The following PCDHA7 variants were observed in gnomAD, a reference collection of about 807,000 sequenced individuals.
PCDHA7 encodes the protein protocadherin alpha-7.
In PCDHA7, 37 loss-of-function variants were observed where a neutral mutation model predicts 57.2. That is an observed-to-expected ratio of 0.65 (90% CI 0.50 to 0.85). The LOEUF is 0.85. PCDHA7 is among the 40% of genes least tolerant of loss of function. The probability of loss-of-function intolerance (pLI) is 0.00; values close to 1 mark genes in which losing one functional copy is unlikely to be tolerated. For synonymous variants in PCDHA7, 553 were observed against 558.8 expected (o/e 0.99, Z 0.15); for missense variants, 1,188 against 1,241.8 (o/e 0.96, Z 0.65).
At chr5:140,857,655 C>T (rs782490979) in intron 1 of PCDHA7, 1 of 1,596,728 alleles carries the variant, frequency 6.3e-7, no homozygotes, top group Non-Finnish European at 8.6e-7. Context: ...CAGGTGAGCG[C>T]GCGCGATGGG....
chr5:140,927,499 C>G (rs781977423), intron 1 of PCDHA7: 1 of 1,614,136 alleles, frequency 6.2e-7, no homozygotes, highest in Admixed American at 1.7e-5. Context: ...CCTGCTGGTG[C>G]TTACAGCTCG....
In PCDHA7 at chr5:140,836,123, T is replaced by C; in HGVS notation, c.1740T>C (p.Leu580=). 1 of 1,613,656 alleles carries C rather than the reference T, an allele frequency of 6.2e-7. No homozygotes were observed. Among genetic ancestry groups the C allele is most frequent in the Non-Finnish European group, 8.5e-7 (1 of 1,179,766 alleles). Residue 580 remains leucine, a synonymous_variant, in exon 1 of 4, where the codon CTT becomes CTC. Coordinates refer to ENST00000525929, the MANE Select transcript of PCDHA7 (RefSeq NM_018910.3). The part of the protein sequence containing the change: ...VGGTGGAVRE[L]VPRSVGAGHV... ...GCACTGGTGGCGCAGTGAGAGAGCT[T>C]GTGCCGCGGTCTGTGGGCGCGGGCC... is the stretch of plus-strand genomic sequence containing the variant.
chr5:140,837,159 G>C (rs2150273625), intron 1 of PCDHA7: 152,415 of 152,748 alleles, frequency 1, 76,046 homozygotes, highest in East Asian at 1. Flanking sequence ...ATAAAATATA[G>C]CTGTGTCAAA....
At chr5:141,000,757 C>A (rs1236279352) in intron 3 of PCDHA7, among the ~76,000 whole-genome samples, 1 of 151,158 alleles carries the variant, frequency 6.6e-6, no homozygotes, top group Non-Finnish European at 1.5e-5. Flanking sequence ...AAAAAAAAAT[C>A]TTAGCCAGGC....
chr5:140,847,732 A>G (rs1781156684), intron 1 of PCDHA7: 1 of 149,812 alleles, frequency 6.7e-6, no homozygotes, highest in Admixed American at 6.7e-5. Flanking sequence ...AGAGAAAAAT[A>G]TATTTTCTCC....
chr5:140,954,737 T>C (rs1208625491), intron 1 of PCDHA7, among the ~76,000 whole-genome samples: 38 of 152,210 alleles, frequency 2.5e-4, no homozygotes, highest in Non-Finnish European at 1.5e-5. Flanking sequence ...TTCACTCTGA[T>C]GATAGTTTCT....
intron 1 of PCDHA7, among the ~76,000 whole-genome samples, chr5:140,904,906 G>C (rs2071460962): frequency 6.6e-6 from 1 of 152,026 alleles, no homozygotes; most frequent in African/African-American, 2.4e-5. Context: ...TTTTCTTACT[G>C]ATTTGTTTGA....
chr5:140,850,398 C>T, intron 1 of PCDHA7: 2 of 1,597,936 alleles, frequency 1.3e-6, no homozygotes, highest in Non-Finnish European at 1.7e-6. Flanking sequence ...CAGCACAACG[C>T]GTGCCCTGGA....
intron 3 of PCDHA7, among the ~76,000 whole-genome samples, chr5:141,008,980 A>C (rs533099581): frequency 6.6e-6 from 1 of 152,374 alleles, no homozygotes; most frequent in African/African-American, 2.4e-5. Context: ...GCCAAAGTTT[A>C]ATCTAGACAC....
intron 1 of PCDHA7, among the ~76,000 whole-genome samples, chr5:140,976,124 C>G (rs1554237320): frequency 6.6e-6 from 1 of 152,158 alleles, no homozygotes. Flanking sequence ...CAAGTTTAAT[C>G]AAGTTCTGGA....
rs782457236 is a variant in PCDHA7 at position 140,883,560 on chromosome 5, G to A, written c.2355+46822G>A. 2 of 1,614,184 alleles carry A rather than the reference G, an allele frequency of 1.2e-6. No homozygotes were observed. Among genetic ancestry groups the A allele is most frequent in the Admixed American group, 1.7e-5 (1 of 60,028 alleles). ...CTGGTGGTGACCGCGCGGGACGGGGGCTCGCCTTCGCTGTGGGCCACGGCC... is the reference window on the plus strand; with the variant it reads ...CTGGTGGTGACCGCGCGGGACGGGGACTCGCCTTCGCTGTGGGCCACGGCC... On this transcript the variant is annotated intron_variant, in intron 1 of 3. Coordinates refer to ENST00000525929, the MANE Select transcript of PCDHA7 (RefSeq NM_018910.3).
chr5:140,941,181 G>C (rs2092747130), intron 1 of PCDHA7, among the ~76,000 whole-genome samples: 1 of 114,608 alleles, frequency 8.7e-6, no homozygotes, highest in African/African-American at 3.2e-5. Flanking sequence ...TGAACATCCT[G>C]CTTCTTTTTT....
At chr5:140,884,247 C>G (rs1554181368) in intron 1 of PCDHA7, 5 of 1,613,398 alleles carry the variant, frequency 3.1e-6, no homozygotes, top group Non-Finnish European at 4.2e-6. Flanking sequence ...CCCGCGCTGA[C>G]GGCCACGGCA....
intron 1 of PCDHA7, chr5:140,843,271 G>A: frequency 6.3e-7 from 1 of 1,596,112 alleles, no homozygotes; most frequent in East Asian, 2.2e-5. Flanking sequence ...TGCTGGTCCT[G>A]GTGAAGGATC....
intron 1 of PCDHA7, among the ~76,000 whole-genome samples, chr5:140,893,394 T>TAA (rs2063972728): frequency 6.6e-6 from 1 of 152,198 alleles, no homozygotes; most frequent in South Asian, 2.1e-4. Flanking sequence ...GGCTCATGCC[T>TAA]GTAATCCCAG....
At chr5:140,899,789 G>A (rs1200461877) in intron 1 of PCDHA7, among the ~76,000 whole-genome samples, 17 of 152,024 alleles carry the variant, frequency 1.1e-4, no homozygotes, top group Admixed American at 9.8e-4. Context: ...GGTATAATTC[G>A]GCTGTGAATC....
chr5:140,912,640 T>C (rs181860319), intron 1 of PCDHA7, among the ~76,000 whole-genome samples: 5 of 152,296 alleles, frequency 3.3e-5, no homozygotes, highest in Non-Finnish European at 7.4e-5. Flanking sequence ...TTCAGTACTA[T>C]GTTGAATAGA....
At chr5:140,853,944 G>C (rs2042918286) in intron 1 of PCDHA7, 1 of 814,184 alleles carries the variant, frequency 1.2e-6, no homozygotes, top group Non-Finnish European at 1.5e-6. Context: ...CAAGGTGGGA[G>C]GGTCCCTTCC....
rs192109857 is a variant in PCDHA7 at position 140,852,433 on chromosome 5, G to A, written c.2355+15695G>A. 4.2e-4 allele frequency: 75 copies of A among 180,184 alleles called. 1 individual carries two copies. The East Asian group carries it at 0.014, about 33-fold the overall frequency. The allele number at this position is 180,184 out of a possible 1,614,324, so 11.2% of individuals were successfully genotyped here. A position where few individuals can be genotyped will look rare whatever the true frequency, so the allele number is the denominator to read the frequency against. The stretch of plus-strand genomic sequence containing the variant: ...GCTGGGATTATAGGCACATGCCACC[G>A]CGCCCAGCTAATTTTTGTATTTTTA... On this transcript the variant is annotated intron_variant, in intron 1 of 3. Transcript: ENST00000525929.
Sources: allele counts gnomAD v4.1 joint callset (sites outside exome capture counted in the v4.1 genomes callset), GRCh38; gene constraint gnomAD v4.1.1; transcripts MANE v1.5; gene names NCBI Gene and HGNC (gene_info 2026-07-23, HGNC 2026-07-21).